Variants in ZNF462 observed in about 807,000 individuals in gnomAD.
ZNF462 encodes the protein zinc finger protein 462.
Under a neutral mutation model 201.9 loss-of-function variants are expected in ZNF462, and 10 were observed. That is an observed-to-expected ratio of 0.05 (90% CI 0.03 to 0.08). ZNF462 has a LOEUF of 0.08. Ranked by LOEUF, ZNF462 falls within the 10% of genes least tolerant of loss-of-function variation. ZNF462 has a pLI of 1.00. For synonymous variants in ZNF462, 1,227 were observed against 1,193.3 expected, an observed-to-expected ratio of 1.03 and a Z score of -0.58; for missense variants, 2,523 against 3,168.3, an observed-to-expected ratio of 0.80 and a Z score of 4.89.
At chr9:106,986,987 AG>A (rs1827889463) in intron 10 of ZNF462, among the ~76,000 whole-genome samples, 1 of 128,434 alleles carries the variant, frequency 7.8e-6, no homozygotes, top group Non-Finnish European at 1.7e-5. Flanking sequence ...ATAGATAGAT[AG>A]ATAGATAGAT....
chr9:106,916,119 G>A (rs914198628), intron 1 of ZNF462, among the ~76,000 whole-genome samples: 1 of 152,142 alleles, frequency 6.6e-6, no homozygotes, highest in African/African-American at 2.4e-5. Flanking sequence ...CAAGCCACTG[G>A]CCATACATCA....
At chr9:106,908,902 CATATATACATATATATATATATAT>C (rs1418065157) in intron 1 of ZNF462, among the ~76,000 whole-genome samples, 2 of 77,206 alleles carry the variant, frequency 2.6e-5, no homozygotes, top group African/African-American at 1.3e-4. Flanking sequence ...AATATTTGCC[CATATATACATATATATATATATAT>C]ATATATATAT....
chr9:106,969,716 A>G (rs1247272868), intron 7 of ZNF462, among the ~76,000 whole-genome samples: 2 of 152,178 alleles, frequency 1.3e-5, no homozygotes, highest in Non-Finnish European at 1.5e-5. Flanking sequence ...GACTCCTTTA[A>G]GACCTAGACC....
intron 10 of ZNF462, among the ~76,000 whole-genome samples, chr9:107,000,021 C>T (rs1011489309): frequency 1.3e-5 from 2 of 151,968 alleles, no homozygotes; most frequent in Non-Finnish European, 2.9e-5. Flanking sequence ...ACACATGGAA[C>T]AAGGATATCG....
chr9:106,974,283 C>G lies in ZNF462; in HGVS notation c.6832+10C>G. 1.2e-6 allele frequency: 2 copies of G among 1,614,144 alleles called. No homozygotes were observed. ...ATCGTGCTGCACCGAGGTAACCTTT[C>G]TAACTTGGTTTTCTTGGATGCAGCG... is the stretch of plus-strand genomic sequence containing the variant. On this transcript the variant is annotated intron_variant, in intron 9 of 12. Coordinates refer to ENST00000277225, the MANE Select transcript of ZNF462 (RefSeq NM_021224.6). This position sits in a 1 kb window ranked among gnomAD's most constrained non-coding sequence, Gnocchi z 4.0.
rs1201859699 is a variant in ZNF462, at chr9:106,924,335, A to G, written c.423A>G (p.Gly141=). Reference sequence around the variant, plus strand: ...CTCAAGCTGAAGGGAGTTCATCAGGACCCCCTGTCCCGGGATCCTTAAATT... The same window carrying G: ...CTCAAGCTGAAGGGAGTTCATCAGGGCCCCCTGTCCCGGGATCCTTAAATT... ...HGAQAEGSSS[G]PPVPGSLNYN... is the part of the protein sequence containing the mutation. Residue 141 remains glycine (G), a synonymous_variant, in exon 3 of 13, where the codon GGA becomes GGG. Coordinates refer to ENST00000277225, the MANE Select transcript of ZNF462 (RefSeq NM_021224.6). This position sits in a 1 kb window ranked among gnomAD's most constrained non-coding sequence, Gnocchi z 6.2. 20 of 1,613,878 alleles carry G rather than the reference A, an allele frequency of 1.2e-5. No individual in the cohort carries two copies. The highest frequency in any genetic ancestry group is 1.7e-5 in the Non-Finnish European group (20 of 1,180,018).
chr9:106,938,819 C>G lies in ZNF462; in HGVS notation c.6236-97C>G. The G allele has an allele frequency of 7.7e-7, 1 of 1,298,782 alleles. No individual in the cohort carries two copies. The highest frequency in any genetic ancestry group is 1.1e-6 in the Non-Finnish European group (1 of 951,376). The allele number at this position is 1,298,782 out of a possible 1,614,324, so 80.5% of individuals were successfully genotyped here. A position where few individuals can be genotyped will look rare whatever the true frequency, so the allele number is the denominator to read the frequency against. On this transcript the variant is annotated intron_variant, in intron 6 of 12. Coordinates refer to ENST00000277225, the MANE Select transcript of ZNF462 (RefSeq NM_021224.6). This position sits in a 1 kb window ranked among gnomAD's most constrained non-coding sequence, Gnocchi z 4.4. ...AACATGAAGCTTGAGATGCGCTTCT[C>G]TAGCATGAGTTAACTGAGTTATCTT...
At position 106,928,089 on chromosome 9, in the gene ZNF462, C is replaced by T. The variant is rs766952011; in HGVS notation, c.4177C>T (p.Pro1393Ser). 2.5e-6 allele frequency: 4 copies of T among 1,614,160 alleles called. No individual in the cohort carries two copies. Among genetic ancestry groups the T allele is most frequent in the Non-Finnish European group, 3.4e-6 (4 of 1,180,046 alleles). ...CACTAATCACTACCAAGCATTCCAC[C>T]CCTGGGCCATGAATGGTGATGAGTC... ...DITNHYQAFHPWAMNGDESVL... is the reference protein window; with the variant it reads ...DITNHYQAFHSWAMNGDESVL... Residue 1393 changes from proline to serine, a missense_variant, in exon 3 of 13, where the codon CCC becomes TCC. Physicochemically the swap from Pro to Ser is moderately conservative, Grantham distance 74. Coordinates refer to ENST00000277225, the MANE Select transcript of ZNF462 (RefSeq NM_021224.6). The surrounding 1 kb of genome is among the most constrained non-coding windows in gnomAD (Gnocchi z 9.3).
Position 106,930,533 on chromosome 9 carries a change from T to C in ZNF462, c.5856T>C (p.Gly1952=). 6.2e-7 allele frequency: 1 copy of C among 1,614,062 alleles called. No homozygotes were observed. The highest frequency in any genetic ancestry group is 1.3e-5 in the African/African-American group (1 of 75,042). Residue 1952 remains glycine (G), a synonymous_variant, in exon 4 of 13, where the codon GGT becomes GGC. Coordinates refer to ENST00000277225, the MANE Select transcript of ZNF462 (RefSeq NM_021224.6). This position sits in a 1 kb window ranked among gnomAD's most constrained non-coding sequence, Gnocchi z 5.8. ...CCACTGTATTTTACCAGCCTTTTGG[T>C]CACTTAGAAGAGGTGCCAAAGATCA... The part of the protein sequence containing the change: ...FADFKQERPF[G]HLEEVPKIKE...
At chr9:107,007,115 A>T (rs1829605077) in intron 11 of ZNF462, among the ~76,000 whole-genome samples, 1 of 152,188 alleles carries the variant, frequency 6.6e-6, no homozygotes, top group African/African-American at 2.4e-5. Flanking sequence ...TCCTCTGGAA[A>T]TAAACTGTTT....
intron 7 of ZNF462, among the ~76,000 whole-genome samples, chr9:106,957,792 T>C (rs1330738663): frequency 6.6e-6 from 1 of 151,962 alleles, no homozygotes; most frequent in Non-Finnish European, 1.5e-5. Flanking sequence ...TTGCTGAGAG[T>C]GTGTATTCAG....
At chr9:106,893,379 A>T (rs547186492) in intron 1 of ZNF462, among the ~76,000 whole-genome samples, 1 of 152,356 alleles carries the variant, frequency 6.6e-6, no homozygotes, top group Non-Finnish European at 1.5e-5. Context: ...GTGAGAATGT[A>T]TCATCATGGA....
rs2132684992 is a variant in ZNF462, at chr9:107,005,201, C to T, written c.7189+1775C>T. Reference sequence around the variant, plus strand: ...GAGAGTGCAGATATTTCTTCAATATCCTGCTTTCATTTCCTTTGGATATAC... The same window carrying T: ...GAGAGTGCAGATATTTCTTCAATATTCTGCTTTCATTTCCTTTGGATATAC... On this transcript the variant is annotated intron_variant, in intron 11 of 12. Coordinates refer to ENST00000277225, the MANE Select transcript of ZNF462 (RefSeq NM_021224.6). This position sits in a 1 kb window ranked among gnomAD's most constrained non-coding sequence, Gnocchi z 4.4. Among the ~76,000 whole-genome samples the T allele has an allele frequency of 6.6e-6, 1 of 152,186 alleles. No homozygotes were observed. Among genetic ancestry groups the T allele is most frequent in the Non-Finnish European group, 1.5e-5 (1 of 68,014 alleles).
chr9:106,957,319 A>G (rs915820902), intron 7 of ZNF462, among the ~76,000 whole-genome samples: 1 of 152,130 alleles, frequency 6.6e-6, no homozygotes, highest in African/African-American at 2.4e-5. Flanking sequence ...GTCAGAACAC[A>G]CACATTTATT....
intron 10 of ZNF462, among the ~76,000 whole-genome samples, chr9:106,985,613 A>G (rs1204913428): frequency 6.6e-6 from 1 of 152,202 alleles, no homozygotes; most frequent in Non-Finnish European, 1.5e-5. Flanking sequence ...CAAAATATCT[A>G]TTGAGTATTT....
At chr9:106,971,369 A>G (rs1295323187) in intron 7 of ZNF462, among the ~76,000 whole-genome samples, 2 of 134,470 alleles carry the variant, frequency 1.5e-5, no homozygotes, top group Non-Finnish European at 3.2e-5. Context: ...TTTCCTTTAA[A>G]AAAAAAAACA....
In ZNF462 at chr9:106,938,883, C is replaced by T. The variant is rs1439923887; in HGVS notation, c.6236-33C>T. The T allele has an allele frequency of 9.0e-6, 14 of 1,563,020 alleles. No homozygotes were observed. The Admixed American group carries it at 1.3e-4, about 15-fold the overall frequency. ...CCTTATACCCTTCTCCCCTCTTTTT[C>T]CTGTTCTATTTCTTGTCACCATCCT... On this transcript the variant is annotated intron_variant, in intron 6 of 12. Coordinates refer to ENST00000277225, the MANE Select transcript of ZNF462 (RefSeq NM_021224.6). This position sits in a 1 kb window ranked among gnomAD's most constrained non-coding sequence, Gnocchi z 4.4.
chr9:106,900,573 A>G (rs1829023560), intron 1 of ZNF462, among the ~76,000 whole-genome samples: 1 of 152,078 alleles, frequency 6.6e-6, no homozygotes, highest in African/African-American at 2.4e-5. Context: ...TTTTTTGATT[A>G]TGGCCATTCT....
intron 10 of ZNF462, among the ~76,000 whole-genome samples, chr9:106,999,015 T>C (rs1828960547): frequency 1.3e-5 from 2 of 152,134 alleles, no homozygotes; most frequent in Admixed American, 1.3e-4. Context: ...TTCACAGGAA[T>C]AAAGATCTGC....
Sources: gnomAD v4.1 joint callset for allele counts (sites outside exome capture counted in the v4.1 genomes callset) on GRCh38, gnomAD v4.1.1 for gene constraint, Gnocchi (gnomAD v3.1) non-coding constraint, MANE v1.5 for transcripts, NCBI Gene and HGNC (gene_info 2026-07-23, HGNC 2026-07-21) for gene names.